The following HGD variants were observed in gnomAD, a reference collection of about 807,000 sequenced individuals.
HGD encodes homogentisate 1,2-dioxygenase, also known as homogentisate oxidase.
A neutral mutation model predicts 60.8 loss-of-function variants in HGD; 61 were observed. The ratio of observed to expected loss-of-function variants is 1.00; its 90% CI spans 0.82 to 1.24. The LOEUF (loss-of-function observed/expected upper bound fraction) is 1.24. HGD is among the 50% of genes most tolerant of loss of function. The pLI is 0.00. For missense variants in HGD, 542 were observed against 547.1 expected, an observed-to-expected ratio of 0.99 and a Z score of 0.09; for synonymous variants, 212 against 187.7, an observed-to-expected ratio of 1.13 and a Z score of -1.06.
At chr3:120,670,176 A>C in intron 4 of HGD, 1 of 520,180 alleles carries the variant, frequency 1.9e-6, no homozygotes, top group Non-Finnish European at 3.5e-6. Context: ...CTCCTCAGCC[A>C]TGCAGAACTG....
intron 12 of HGD, among the ~76,000 whole-genome samples, chr3:120,636,315 T>A (rs910247806): frequency 2.0e-5 from 3 of 150,910 alleles, no homozygotes; most frequent in Non-Finnish European, 1.5e-5. Flanking sequence ...GCATCACTTG[T>A]GGGAACTTGT....
chr3:120,668,035 C>T (rs1427259270), intron 4 of HGD, among the ~76,000 whole-genome samples: 1 of 151,976 alleles, frequency 6.6e-6, no homozygotes, highest in African/African-American at 2.4e-5. Context: ...GTCTGTGTCC[C>T]TTTGTGTGGG....
At chr3:120,649,364 C>T (rs147904714) in intron 6 of HGD, among the ~76,000 whole-genome samples, 2 of 151,890 alleles carry the variant, frequency 1.3e-5, no homozygotes, top group Non-Finnish European at 2.9e-5. Flanking sequence ...AGGCTGGTCT[C>T]GAGCTCCTGA....
Position 120,644,299 on chromosome 3 carries a change from TG to T in HGD, c.774+19del. 1.9e-6 allele frequency: 3 copies of T among 1,613,780 alleles called. No homozygotes were observed. The South Asian group carries it at 3.3e-5, about 18-fold the overall frequency. ...ATCACTCTTCATTTCCTCCCTTGCC[TG>T]CCAACCCTTTTACTTTACCTGTTTG... On this transcript the variant is annotated intron_variant, in intron 10 of 13. Transcript: ENST00000283871.
intron 4 of HGD, among the ~76,000 whole-genome samples, chr3:120,667,301 G>A (rs1404556458): frequency 8.2e-6 from 1 of 122,634 alleles, no homozygotes; most frequent in Non-Finnish European, 1.6e-5. Flanking sequence ...ACTCCCGCCT[G>A]AGCAACAGGG....
intron 4 of HGD, among the ~76,000 whole-genome samples, chr3:120,668,498 G>T (rs1559798861): frequency 6.6e-6 from 1 of 152,020 alleles, no homozygotes; most frequent in South Asian, 2.1e-4. Flanking sequence ...AGATTTCCTT[G>T]GGTTGTGGAA....
chr3:120,634,732 C>T (rs1213324224), intron 12 of HGD, among the ~76,000 whole-genome samples: 1 of 152,166 alleles, frequency 6.6e-6, no homozygotes, highest in African/African-American at 2.4e-5. Context: ...CATGCCTGCC[C>T]TTCTTGCTTA....
intron 3 of HGD, among the ~76,000 whole-genome samples, chr3:120,672,412 T>C (rs1304124954): frequency 6.6e-6 from 1 of 152,170 alleles, no homozygotes; most frequent in East Asian, 1.9e-4. Context: ...CAGAGGGTAC[T>C]GCCCTGACAA....
intron 5 of HGD, 145 bp downstream of exon 5, chr3:120,652,447 A>C: frequency 1.5e-6 from 1 of 674,638 alleles, no homozygotes; most frequent in Non-Finnish European, 2.7e-6. Flanking sequence ...TCCCTCCGCC[A>C]GCCCCCAAAG....
chr3:120,662,105 G>T (rs991220905), intron 4 of HGD, among the ~76,000 whole-genome samples: 1 of 152,182 alleles, frequency 6.6e-6, no homozygotes, highest in Non-Finnish European at 1.5e-5. Context: ...GTGACTGATA[G>T]GTAGGGGACA....
chr3:120,682,115 C>G lies in HGD; in HGVS notation c.-4G>C. 1 of 1,613,980 alleles carries G rather than the reference C, an allele frequency of 6.2e-7. No homozygotes were observed. The highest frequency in any genetic ancestry group is 8.5e-7 in the Non-Finnish European group (1 of 1,179,850). On this transcript the variant is annotated 5_prime_UTR_variant, in exon 1 of 14. Transcript: ENST00000283871. Reference sequence around the variant, plus strand: ...TTCTTACCTTTAACTCAGCCATTTTCTCTCTCCTCTATGTGTGGTGACTTC... The same window carrying G: ...TTCTTACCTTTAACTCAGCCATTTTGTCTCTCCTCTATGTGTGGTGACTTC...
At chr3:120,637,138 T>C (rs746819646) in intron 12 of HGD, among the ~76,000 whole-genome samples, 1 of 152,184 alleles carries the variant, frequency 6.6e-6, no homozygotes, top group Non-Finnish European at 1.5e-5. Flanking sequence ...AAATAAATAT[T>C]TATTAAAAGC....
intron 9 of HGD, among the ~76,000 whole-genome samples, chr3:120,645,477 A>G (rs1031120467): frequency 7.9e-5 from 12 of 152,216 alleles, no homozygotes; most frequent in African/African-American, 2.9e-4. Flanking sequence ...TCAATCCAAG[A>G]GACAGTTTGA....
At position 120,658,786 on chromosome 3, in the gene HGD, G is replaced by A. The variant is rs180734070; in HGVS notation, c.283-6135C>T. Among the ~76,000 whole-genome samples, 5 of 152,334 alleles carry A rather than the reference G, an allele frequency of 3.3e-5. No individual in the cohort carries two copies. The East Asian group carries it at 9.6e-4, about 29-fold the overall frequency. ...ATACATCCTCTAAAATCTAGGTGGG[G>A]GCTCCCAGGCCTTAACTCTTGTATC... On this transcript the variant is annotated intron_variant, in intron 4 of 13. Transcript: ENST00000283871.
intron 11 of HGD, among the ~76,000 whole-genome samples, chr3:120,639,019 T>G (rs1576289634): frequency 6.6e-6 from 1 of 152,158 alleles, no homozygotes; most frequent in South Asian, 2.1e-4. Flanking sequence ...ATGCTTTTGC[T>G]CCTCCTTCGC....
intron 11 of HGD, among the ~76,000 whole-genome samples, chr3:120,640,950 G>A (rs1226027445): frequency 1.3e-5 from 2 of 151,790 alleles, no homozygotes; most frequent in African/African-American, 2.4e-5. Context: ...ACTTCCCCCC[G>A]GGGTCTCAGA....
At chr3:120,653,114 G>C (rs2551603) in intron 4 of HGD, among the ~76,000 whole-genome samples, 1 of 152,152 alleles carries the variant, frequency 6.6e-6, no homozygotes, top group African/African-American at 2.4e-5. Flanking sequence ...CAAGCCCTTA[G>C]AGTTCTAAAT....
chr3:120,662,026 T>A (rs1707782045), intron 4 of HGD, among the ~76,000 whole-genome samples: 1 of 152,088 alleles, frequency 6.6e-6, no homozygotes, highest in Non-Finnish European at 1.5e-5. Context: ...TGAGTGAGAT[T>A]TAGATGGGTG....
intron 4 of HGD, among the ~76,000 whole-genome samples, chr3:120,657,013 G>A (rs1228867747): frequency 6.6e-6 from 1 of 152,054 alleles, no homozygotes; most frequent in South Asian, 2.1e-4. Context: ...TGCTCCTTCT[G>A]TAGATCACTT....
Sources: allele counts gnomAD v4.1 joint callset (sites outside exome capture counted in the v4.1 genomes callset), GRCh38; gene constraint gnomAD v4.1.1; transcripts MANE v1.5; gene names NCBI Gene and HGNC (gene_info 2026-07-23, HGNC 2026-07-21).